The following KLF3 variants were observed in gnomAD, a reference collection of about 807,000 sequenced individuals.
KLF3 encodes the protein Krueppel-like factor 3.
A neutral mutation model predicts 32.7 loss-of-function variants in KLF3; 6 were observed. The observed-to-expected ratio is 0.18, with a 90% CI of 0.10 to 0.36. KLF3 has a LOEUF of 0.36. Among genes scored for constraint, KLF3 ranks in the 10% least tolerant of loss-of-function variants. The probability of loss-of-function intolerance (pLI) is 1.00; values close to 1 mark genes in which losing one functional copy is unlikely to be tolerated. For synonymous variants in KLF3, 145 were observed against 172.8 expected (o/e 0.84, Z 1.26); for missense variants, 338 against 449.7 (o/e 0.75, Z 2.25).
At chr4:38,693,617 G>A (rs1381740933) in intron 4 of KLF3, among the ~76,000 whole-genome samples, 4 of 151,628 alleles carry the variant, frequency 2.6e-5, no homozygotes, top group African/African-American at 9.7e-5. Flanking sequence ...CAAACACTTA[G>A]GCAAAATATT....
chr4:38,689,581 A>G, intron 3 of KLF3, 148 bp from the exon 4 acceptor site: 1 of 593,612 alleles, frequency 1.7e-6, no homozygotes, highest in Non-Finnish European at 2.9e-6. Flanking sequence ...AGAGGTGAGA[A>G]TCTCCCACAG....
intron 1 of KLF3, among the ~76,000 whole-genome samples, chr4:38,679,245 C>G (rs933043128): frequency 6.6e-6 from 1 of 151,956 alleles, no homozygotes; most frequent in Non-Finnish European, 1.5e-5. Context: ...CTGTCAAGCC[C>G]TAAGTAGGCA....
At chr4:38,667,452 T>G (rs1262493781) in intron 1 of KLF3, among the ~76,000 whole-genome samples, 1 of 152,248 alleles carries the variant, frequency 6.6e-6, no homozygotes, top group East Asian at 1.9e-4. Flanking sequence ...TTAAGACGCC[T>G]GTGTTATGTC....
rs1362678424 is a variant in KLF3 at position 38,688,750 on chromosome 4, G to A, written c.223G>A (p.Ala75Thr). The change falls in exon 3 of 6, where the codon GCT becomes ACT. Residue 75 changes from alanine to threonine, a missense_variant. Physicochemically the swap from Ala to Thr is moderately conservative, Grantham distance 58 (BLOSUM62 0). Transcript: ENST00000261438. This position sits in a 1 kb window ranked among gnomAD's most constrained non-coding sequence, Gnocchi z 4.9. ...TVNKRSSPPS[A>T]GNSPSSLKFP... ...GAACAAGCGGAGTTCACCCCCTTCG[G>A]CTGGGAATTCGCCCTCCTCTCTGAA... is the stretch of plus-strand genomic sequence containing the variant. 3 of 1,614,036 alleles carry A rather than the reference G, an allele frequency of 1.9e-6. No individual in the cohort carries two copies. Among genetic ancestry groups the A allele is most frequent in the Non-Finnish European group, 2.5e-6 (3 of 1,180,026 alleles).
chr4:38,680,581 T>C lies in KLF3; in HGVS notation c.-39-6T>C, dbSNP rs754382317. ...ACTTAGATGGATACCTTGTTTTGTTTTCTAGGCCAAACACCAGAGCACCCT... is the reference window on the plus strand; with the variant it reads ...ACTTAGATGGATACCTTGTTTTGTTCTCTAGGCCAAACACCAGAGCACCCT... On this transcript the variant is annotated splice_region_variant and splice_polypyrimidine_tract_variant and intron_variant, in intron 1 of 5. Transcript: ENST00000261438. 10 of 1,462,262 alleles carry C rather than the reference T, an allele frequency of 6.8e-6. No individual in the cohort carries two copies. Among genetic ancestry groups the C allele is most frequent in the African/African-American group, 1.4e-5 (1 of 71,726 alleles). The allele number at this position is 1,462,262 out of a possible 1,614,324, so 90.6% of individuals were successfully genotyped here.
At chr4:38,675,764 T>C (rs1174979445) in intron 1 of KLF3, among the ~76,000 whole-genome samples, 3 of 152,178 alleles carry the variant, frequency 2.0e-5, no homozygotes, top group African/African-American at 7.2e-5. Flanking sequence ...ATGATAGATT[T>C]TCTAAGCATT....
At chr4:38,680,765 T>G (rs1230271653) in intron 2 of KLF3, 83 bp downstream of exon 2, 18 of 1,159,636 alleles carry the variant, frequency 1.6e-5, no homozygotes, top group Non-Finnish European at 2.2e-5. Context: ...TTCCTTGAAA[T>G]CATGGCCGGG....
intron 1 of KLF3, among the ~76,000 whole-genome samples, chr4:38,679,101 AAGAC>A (rs1722441130): frequency 6.6e-6 from 1 of 152,216 alleles, no homozygotes; most frequent in Non-Finnish European, 1.5e-5. Flanking sequence ...ACAGAAGAAA[AAGAC>A]AGGACAGGAT....
chr4:38,692,329 C>T (rs902247000), intron 4 of KLF3, among the ~76,000 whole-genome samples: 5 of 152,184 alleles, frequency 3.3e-5, no homozygotes, highest in Admixed American at 6.5e-5. Flanking sequence ...GAACCAACAT[C>T]AGCGTCTTCA....
chr4:38,684,776 A>G (rs962589888), intron 2 of KLF3, among the ~76,000 whole-genome samples: 7 of 151,972 alleles, frequency 4.6e-5, no homozygotes, highest in African/African-American at 1.7e-4. Context: ...GGCTGGTCTC[A>G]AACTCTCGGC....
Position 38,671,372 on chromosome 4 carries a change from A to C in KLF3, c.-40+6911A>C, listed in dbSNP as rs956547354. ...GACAATGCAGGTGCACTGGCTAGGAAGAATAATTGCCTAATTTGGGGCCTT... is the reference window on the plus strand; with the variant it reads ...GACAATGCAGGTGCACTGGCTAGGACGAATAATTGCCTAATTTGGGGCCTT... On this transcript the variant is annotated intron_variant, in intron 1 of 5. Coordinates refer to ENST00000261438, the MANE Select transcript of KLF3 (RefSeq NM_016531.6). The surrounding 1 kb of genome is among the most constrained non-coding windows in gnomAD (Gnocchi z 4.4). 6.6e-6 allele frequency among the ~76,000 whole-genome samples: 1 copy of C among 152,234 alleles called. No homozygotes were observed. The highest frequency in any genetic ancestry group is 1.5e-5 in the Non-Finnish European group (1 of 68,050).
chr4:38,675,527 A>T (rs141454916), intron 1 of KLF3, among the ~76,000 whole-genome samples: 249 of 152,308 alleles, frequency 1.6e-3, no homozygotes, highest in African/African-American at 5.8e-3. Context: ...TGTGTTTATG[A>T]TTGGAAAATA....
At chr4:38,665,167 G>A (rs894851541) in intron 1 of KLF3, among the ~76,000 whole-genome samples, 2 of 152,242 alleles carry the variant, frequency 1.3e-5, no homozygotes, top group Admixed American at 6.5e-5. Flanking sequence ...GGATCCTCCG[G>A]GGCAGGAGAA....
intron 1 of KLF3, among the ~76,000 whole-genome samples, chr4:38,666,270 A>C (rs971003340): frequency 3.9e-5 from 6 of 152,274 alleles, no homozygotes; most frequent in Non-Finnish European, 8.8e-5. Flanking sequence ...TGTCAGGTAC[A>C]AAACGACAAC....
At chr4:38,692,416 C>T (rs1722901307) in intron 4 of KLF3, among the ~76,000 whole-genome samples, 1 of 152,130 alleles carries the variant, frequency 6.6e-6, no homozygotes, top group South Asian at 2.1e-4. Flanking sequence ...TTGGGGACAT[C>T]CTCAAAAAAC....
intron 5 of KLF3, 147 bp downstream of exon 5, chr4:38,695,053 A>G (rs113220299): frequency 2.1e-5 from 15 of 700,858 alleles, no homozygotes; most frequent in African/African-American, 1.3e-4. Context: ...GTTGTGCAGA[A>G]TGAAGATATT....
intron 5 of KLF3, among the ~76,000 whole-genome samples, chr4:38,695,997 GA>G (rs1275928258): frequency 1.3e-5 from 2 of 152,072 alleles, no homozygotes; most frequent in African/African-American, 2.4e-5. Flanking sequence ...GGAGGCAGAG[GA>G]AGCTAACACC....
At chr4:38,677,012 G>A (rs1368885903) in intron 1 of KLF3, among the ~76,000 whole-genome samples, 1 of 145,324 alleles carries the variant, frequency 6.9e-6, no homozygotes, top group Non-Finnish European at 1.5e-5. Flanking sequence ...CCCAAGCTGA[G>A]TGCAGTGGTG....
At chr4:38,676,252 C>G (rs1560414807) in intron 1 of KLF3, among the ~76,000 whole-genome samples, 1 of 152,074 alleles carries the variant, frequency 6.6e-6, no homozygotes, top group Non-Finnish European at 1.5e-5. Flanking sequence ...ACCAGCCTAG[C>G]CAACATGGTG....
Sources: allele counts gnomAD v4.1 joint callset (sites outside exome capture counted in the v4.1 genomes callset), GRCh38; gene constraint gnomAD v4.1.1; non-coding constraint Gnocchi (gnomAD v3.1); transcripts MANE v1.5; gene names NCBI Gene and HGNC (gene_info 2026-07-23, HGNC 2026-07-21).